Variants in MON2 observed in about 807,000 individuals in gnomAD.
The protein encoded by MON2 is protein MON2 homolog.
MON2 carries 84 observed loss-of-function variants against 208.6 expected under a neutral mutation model. That is an observed-to-expected ratio of 0.40 (90% confidence interval 0.34 to 0.48). MON2 has a LOEUF of 0.48. Among genes scored for constraint, MON2 ranks in the 20% least tolerant of loss-of-function variants. The pLI, the probability that MON2 is intolerant of heterozygous loss-of-function variation, is 0.59. For synonymous variants in MON2, 660 were observed against 694.0 expected, an observed-to-expected ratio of 0.95 and a Z score of 0.77; for missense variants, 1,611 against 2,015.4, an observed-to-expected ratio of 0.80 and a Z score of 3.84.
intron 8 of MON2, among the ~76,000 whole-genome samples, chr12:62,524,193 T>A (rs2072216360): frequency 6.6e-6 from 1 of 152,188 alleles, no homozygotes; most frequent in African/African-American, 2.4e-5. Context: ...TGGTACATGC[T>A]GTCTGGCAGT....
In MON2 at chr12:62,491,123, C is replaced by G. The variant is rs180896117; in HGVS notation, c.176-2792C>G. 1.1e-4 allele frequency among the ~76,000 whole-genome samples: 16 copies of G among 152,270 alleles called. No homozygotes were observed. The East Asian group carries it at 2.5e-3, about 24-fold the overall frequency. ...TGAGTTGCATGCATTGTTGATACCA[C>G]ATACATTGAGTTGAATTGCTGTTTA... On this transcript the variant is annotated intron_variant, in intron 2 of 34. Transcript: ENST00000393630.
chr12:62,538,371 T>C (rs746462599), intron 18 of MON2, 44 bp from the exon 19 acceptor site: 57 of 1,587,088 alleles, frequency 3.6e-5, no homozygotes, highest in South Asian at 1.0e-4. Flanking sequence ...TTATTTGTTA[T>C]ATATTTTAGA....
At chr12:62,546,194 A>G (rs527790194) in intron 21 of MON2, among the ~76,000 whole-genome samples, 1 of 152,318 alleles carries the variant, frequency 6.6e-6, no homozygotes, top group South Asian at 2.1e-4. Flanking sequence ...TTAAATACAT[A>G]TGATATACAT....
chr12:62,501,897 G>A (rs2070852701), intron 7 of MON2, among the ~76,000 whole-genome samples, 199 bp downstream of exon 7: 1 of 152,000 alleles, frequency 6.6e-6, no homozygotes, highest in South Asian at 2.1e-4. Flanking sequence ...ACCAGCCTAG[G>A]CAACATAGTG....
At chr12:62,582,002 T>G (rs2075023984) in intron 32 of MON2, among the ~76,000 whole-genome samples, 1 of 152,190 alleles carries the variant, frequency 6.6e-6, no homozygotes, top group Admixed American at 6.5e-5. Flanking sequence ...ACATACTAGT[T>G]CTTTTTTCTA....
At chr12:62,469,692 TAA>T (rs1351483980) in intron 1 of MON2, among the ~76,000 whole-genome samples, 2 of 152,274 alleles carry the variant, frequency 1.3e-5, no homozygotes, top group African/African-American at 2.4e-5. Context: ...GTTAAATTAA[TAA>T]GAGTGCCAGA....
intron 12 of MON2, among the ~76,000 whole-genome samples, chr12:62,533,013 A>T (rs2072729940): frequency 6.6e-6 from 1 of 152,202 alleles, no homozygotes; most frequent in African/African-American, 2.4e-5. Context: ...AAATTTTGCC[A>T]GTTGCCCTAG....
intron 32 of MON2, among the ~76,000 whole-genome samples, chr12:62,584,102 C>G (rs2075108536): frequency 6.6e-6 from 1 of 151,710 alleles, no homozygotes; most frequent in East Asian, 1.9e-4. Context: ...AAAACTCATA[C>G]TGTTGGCCAA....
At chr12:62,534,316 T>G (rs1203955370) in intron 12 of MON2, among the ~76,000 whole-genome samples, 1 of 151,014 alleles carries the variant, frequency 6.6e-6, no homozygotes, top group African/African-American at 2.4e-5. Context: ...GTCAGGAGTT[T>G]GAGACCAGCC....
At chr12:62,576,438 G>T (rs369624021) in intron 30 of MON2, among the ~76,000 whole-genome samples, 1 of 151,914 alleles carries the variant, frequency 6.6e-6, no homozygotes, top group Admixed American at 6.6e-5. Context: ...ACACTAAATT[G>T]TATATTTTAA....
chr12:62,499,115 G>A (rs2070698822), intron 5 of MON2, 67 bp downstream of exon 5: 6 of 1,546,402 alleles, frequency 3.9e-6, no homozygotes, highest in Middle Eastern at 2.0e-4. Flanking sequence ...ATTAACTTTC[G>A]GCCTTTGCTC....
chr12:62,497,895 C>T (rs1019736203), intron 4 of MON2, among the ~76,000 whole-genome samples: 4 of 151,972 alleles, frequency 2.6e-5, no homozygotes, highest in Admixed American at 6.6e-5. Context: ...GGTTTACAGG[C>T]GTGAGCCACC....
chr12:62,553,167 T>C lies in MON2; in HGVS notation c.3203T>C (p.Ile1068Thr), dbSNP rs2073820430. 1 of 1,613,394 alleles carries C rather than the reference T, an allele frequency of 6.2e-7. No individual in the cohort carries two copies. Among genetic ancestry groups the C allele is most frequent in the Non-Finnish European group, 8.5e-7 (1 of 1,179,424 alleles). ...LLQHSTWHTV[I>T]WKVLFHLLDR... is the part of the protein sequence containing the mutation. ...CAGCATTCAACCTGGCACACTGTTA[T>C]CTGGAAGGTATTGTAAAATAGATTG... Residue 1068 changes from isoleucine (I) to threonine (T), a missense_variant, in exon 24 of 35, where the codon ATC becomes ACC. Physicochemically the swap from Ile to Thr is moderately conservative, Grantham distance 89. Coordinates refer to ENST00000393630, the MANE Select transcript of MON2 (RefSeq NM_015026.3).
chr12:62,593,716 T>A lies in MON2; in HGVS notation c.*967T>A, dbSNP rs905552962. Reference sequence around the variant, plus strand: ...TGATTTTGTTTCCCCTAACAACATTTGTCACTGTCTTTGAATTATGACCCA... The same window carrying A: ...TGATTTTGTTTCCCCTAACAACATTAGTCACTGTCTTTGAATTATGACCCA... On this transcript the variant is annotated 3_prime_UTR_variant, in exon 35 of 35. Coordinates refer to ENST00000393630, the MANE Select transcript of MON2 (RefSeq NM_015026.3). 6.6e-6 allele frequency: 1 copy of A among 152,392 alleles called. No individual in the cohort carries two copies. Among genetic ancestry groups the A allele is most frequent in the East Asian group, 1.9e-4 (1 of 5,204 alleles). The allele number at this position is 152,392 out of a possible 1,614,324, so 9.4% of individuals were successfully genotyped here.
At chr12:62,532,746 A>G (rs2072715269) in intron 12 of MON2, 76 bp downstream of exon 12, 1 of 1,080,328 alleles carries the variant, frequency 9.3e-7, no homozygotes, top group Non-Finnish European at 1.4e-6. Context: ...GTCTTTATAA[A>G]TCTTTCACCC....
In MON2 at chr12:62,513,696, CAGCA is replaced by C. The variant is rs1555165205; in HGVS notation, c.984+5217_984+5220del. On this transcript the variant is annotated intron_variant, in intron 8 of 34. Transcript: ENST00000393630. The stretch of plus-strand genomic sequence containing the variant: ...GTGTGGTGGCTCACGCCTGTAATCC[CAGCA>C]CTTTGGGAGGCTGAGGCAGGCGGGT... Among the ~76,000 whole-genome samples, 2 of 148,724 alleles carry C rather than the reference CAGCA, an allele frequency of 1.3e-5. 1 individual carries two copies. Among genetic ancestry groups the C allele is most frequent in the Non-Finnish European group, 3.0e-5 (2 of 66,684 alleles).
At chr12:62,587,905 A>T (rs1293701500) in intron 33 of MON2, 169 bp from the exon 34 acceptor site, 1 of 516,514 alleles carries the variant, frequency 1.9e-6, no homozygotes, top group African/African-American at 2.0e-5. Flanking sequence ...GTACATATAA[A>T]TAAAATGATT....
intron 31 of MON2, among the ~76,000 whole-genome samples, chr12:62,579,795 CT>C (rs2074936281): frequency 6.6e-6 from 1 of 152,158 alleles, no homozygotes; most frequent in South Asian, 2.1e-4. Context: ...AAAATATTGC[CT>C]TTCGTGCCAT....
intron 4 of MON2, among the ~76,000 whole-genome samples, chr12:62,497,995 A>G (rs992836956): frequency 6.6e-6 from 1 of 152,136 alleles, no homozygotes; most frequent in Non-Finnish European, 1.5e-5. Context: ...TACCCAAGAT[A>G]AATGAAAACA....
Sources: gnomAD v4.1 joint callset for allele counts (sites outside exome capture counted in the v4.1 genomes callset) on GRCh38, gnomAD v4.1.1 for gene constraint, MANE v1.5 for transcripts, NCBI Gene and HGNC (gene_info 2026-07-23, HGNC 2026-07-21) for gene names.